KCNH5: variants seen among roughly 807,000 people sequenced by gnomAD.
KCNH5 encodes potassium voltage-gated channel subfamily H member 5.
A neutral mutation model predicts 96.1 loss-of-function variants in KCNH5; 46 were observed. That is an observed-to-expected ratio of 0.48 (90% CI 0.38 to 0.61). The LOEUF is 0.61. KCNH5 is among the 20% of genes least tolerant of loss of function. The pLI is 0.00. For missense variants in KCNH5, 907 were observed against 1,225.8 expected, an observed-to-expected ratio of 0.74 and a Z score of 3.88; for synonymous variants, 439 against 449.8, an observed-to-expected ratio of 0.98 and a Z score of 0.30.
At chr14:62,910,136 C>T (rs917535240) in intron 7 of KCNH5, among the ~76,000 whole-genome samples, 2 of 145,698 alleles carry the variant, frequency 1.4e-5, no homozygotes, top group Non-Finnish European at 3.0e-5. Context: ...ATTCACTACA[C>T]TAACATGTTA....
At chr14:62,815,061 A>G (rs1886950480) in intron 8 of KCNH5, among the ~76,000 whole-genome samples, 1 of 152,202 alleles carries the variant, frequency 6.6e-6, no homozygotes, top group Admixed American at 6.5e-5. Context: ...AAATATTAAT[A>G]CATTGTGGCA....
intron 8 of KCNH5, among the ~76,000 whole-genome samples, chr14:62,846,374 T>C (rs1887691527): frequency 6.6e-6 from 1 of 152,202 alleles, no homozygotes; most frequent in South Asian, 2.1e-4. Context: ...TTTTCATAGT[T>C]TTCTAGTGTG....
rs529005762 is a variant in KCNH5 at position 62,806,846 on chromosome 14, T to C, written c.1570-4265A>G. Among the ~76,000 whole-genome samples the C allele has an allele frequency of 1.5e-4, 23 of 152,274 alleles. 1 individual carries two copies. In the East Asian group the frequency reaches 4.4e-3, roughly 29 times the overall value. The stretch of plus-strand genomic sequence containing the variant: ...TTTGGCACTATGGGATGTTAACTGC[T>C]ATTCTCTTTGGATTAATCTGCCTTG... On this transcript the variant is annotated intron_variant, in intron 8 of 10. Coordinates refer to ENST00000322893, the MANE Select transcript of KCNH5 (RefSeq NM_139318.5).
chr14:62,818,120 T>TGGGGGGGGGGGGGGGGGGGGGGGGGGGG (rs1887037369), intron 8 of KCNH5, among the ~76,000 whole-genome samples: 1 of 54,852 alleles, frequency 1.8e-5, no homozygotes, highest in Non-Finnish European at 3.5e-5. Context: ...GGGGGGGGGG[T>TGGGGGGGGGGGGGGGGGGGGGGGGGGGG]GGAAGAAATG....
At chr14:62,718,142 G>A (rs1362528068) in intron 10 of KCNH5, among the ~76,000 whole-genome samples, 1 of 151,976 alleles carries the variant, frequency 6.6e-6, no homozygotes, top group African/African-American at 2.4e-5. Context: ...AGGGGGCAAG[G>A]GTTAAAAAAT....
chr14:62,812,126 A>G (rs1886884818), intron 8 of KCNH5, among the ~76,000 whole-genome samples: 1 of 152,192 alleles, frequency 6.6e-6, no homozygotes, highest in African/African-American at 2.4e-5. Flanking sequence ...CGTGAAGCTC[A>G]ACCAGGAAAA....
chr14:62,930,702 T>C (rs1889564849), intron 7 of KCNH5, among the ~76,000 whole-genome samples: 1 of 152,170 alleles, frequency 6.6e-6, no homozygotes, highest in Non-Finnish European at 1.5e-5. Context: ...GAATGCTGTT[T>C]ACTAAAATCT....
At chr14:62,842,558 AGCT>A (rs1434795409) in intron 8 of KCNH5, among the ~76,000 whole-genome samples, 14 of 152,250 alleles carry the variant, frequency 9.2e-5, no homozygotes, top group Non-Finnish European at 1.6e-4. Context: ...TCAAATAATA[AGCT>A]GAAGAATAGT....
chr14:62,829,492 A>T (rs1487265844), intron 8 of KCNH5, among the ~76,000 whole-genome samples: 1 of 152,226 alleles, frequency 6.6e-6, no homozygotes, highest in Non-Finnish European at 1.5e-5. Flanking sequence ...GTGCACCCAC[A>T]GGCCCTATAC....
At chr14:62,878,163 G>A (rs1258623125) in intron 7 of KCNH5, among the ~76,000 whole-genome samples, 2 of 144,448 alleles carry the variant, frequency 1.4e-5, no homozygotes, top group East Asian at 4.1e-4. Flanking sequence ...CATGGACACA[G>A]GAAGGGGAAC....
intron 10 of KCNH5, among the ~76,000 whole-genome samples, chr14:62,772,567 G>A (rs1886011135): frequency 6.6e-6 from 1 of 150,700 alleles, no homozygotes; most frequent in Non-Finnish European, 1.5e-5. Flanking sequence ...AACCTGGGAG[G>A]TGGAGGTTGC....
intron 10 of KCNH5, among the ~76,000 whole-genome samples, chr14:62,767,226 G>C (rs1595613240): frequency 6.6e-6 from 1 of 152,156 alleles, no homozygotes; most frequent in East Asian, 1.9e-4. Flanking sequence ...TTGCTGGTGG[G>C]AATTTAAATT....
intron 1 of KCNH5, among the ~76,000 whole-genome samples, chr14:63,041,001 C>T (rs1261321164): frequency 6.6e-6 from 1 of 152,012 alleles, no homozygotes; most frequent in East Asian, 1.9e-4. Flanking sequence ...CTAAAATAAA[C>T]TTCCAATTTG....
At chr14:62,967,786 T>G (rs1322227324) in intron 6 of KCNH5, among the ~76,000 whole-genome samples, 1 of 152,196 alleles carries the variant, frequency 6.6e-6, no homozygotes, top group African/African-American at 2.4e-5. Flanking sequence ...CATAAGTAGT[T>G]AAGGTAAAAA....
intron 10 of KCNH5, among the ~76,000 whole-genome samples, chr14:62,770,656 T>G (rs1198206543): frequency 6.6e-6 from 1 of 152,212 alleles, no homozygotes; most frequent in Non-Finnish European, 1.5e-5. Flanking sequence ...CCTTCTTAAA[T>G]CACTGTAGGG....
At chr14:62,905,803 G>A (rs1346120366) in intron 7 of KCNH5, among the ~76,000 whole-genome samples, 1 of 152,200 alleles carries the variant, frequency 6.6e-6, no homozygotes, top group Non-Finnish European at 1.5e-5. Context: ...CCCACAGAGT[G>A]CTTTTAGATA....
At chr14:62,827,492 T>A (rs544003927) in intron 8 of KCNH5, among the ~76,000 whole-genome samples, 27 of 152,328 alleles carry the variant, frequency 1.8e-4, no homozygotes, top group Middle Eastern at 3.4e-3. Context: ...CCTGAGATCA[T>A]TAATATTTTT....
intron 7 of KCNH5, among the ~76,000 whole-genome samples, chr14:62,948,848 G>A (rs1324175505): frequency 6.9e-6 from 1 of 144,570 alleles, no homozygotes; most frequent in Non-Finnish European, 1.5e-5. Flanking sequence ...TGCAAGGCTG[G>A]TTCAATATAC....
In KCNH5 at chr14:63,001,180, T is replaced by A. The variant is rs542275238; in HGVS notation, c.433+151A>T. ...ACATGCCATTTCTATTCCAACAGTATGATTGAATAAAACAGATTCCAAGCA... is the reference window on the plus strand; with the variant it reads ...ACATGCCATTTCTATTCCAACAGTAAGATTGAATAAAACAGATTCCAAGCA... On this transcript the variant is annotated intron_variant, in intron 4 of 10. Transcript: ENST00000322893. 1.8e-5 allele frequency: 11 copies of A among 617,908 alleles called. 1 individual carries two copies. The South Asian group carries it at 2.6e-4, about 14-fold the overall frequency. The allele number at this position is 617,908 out of a possible 1,614,324, so 38.3% of individuals were successfully genotyped here. A position where few individuals can be genotyped will look rare whatever the true frequency, so the allele number is the denominator to read the frequency against.
Sources: gnomAD v4.1 joint callset for allele counts (sites outside exome capture counted in the v4.1 genomes callset) on GRCh38, gnomAD v4.1.1 for gene constraint, MANE v1.5 for transcripts, NCBI Gene and HGNC (gene_info 2026-07-23, HGNC 2026-07-21) for gene names.